KRT33A: variants seen among roughly 807,000 people sequenced by gnomAD.
The protein encoded by KRT33A is keratin, type I cuticular Ha3-I.
KRT33A carries 44 observed loss-of-function variants against 41.1 expected under a neutral mutation model. That is an observed-to-expected ratio of 1.07 (90% CI 0.84 to 1.38). The LOEUF is 1.38. Ranked by LOEUF, KRT33A falls within the 40% of genes most tolerant of loss-of-function variation. The probability of loss-of-function intolerance (pLI) is 0.00; values close to 1 mark genes in which losing one functional copy is unlikely to be tolerated. For missense variants in KRT33A, 536 were observed against 518.5 expected, an observed-to-expected ratio of 1.03 and a Z score of -0.33; for synonymous variants, 229 against 227.8, an observed-to-expected ratio of 1.01 and a Z score of -0.05.
rs139727892 is a variant in KRT33A at position 41,348,601 on chromosome 17, G to A, written c.470C>T (p.Ser157Leu). 38 of 1,614,114 alleles carry A rather than the reference G, an allele frequency of 2.4e-5. No individual in the cohort carries two copies. In the East Asian group the frequency reaches 2.7e-4, roughly 11 times the overall value. ...GATCCTGCGCAGGCCATTGATGTCC[G>A]ACTCCACCAGCTGCCGCAGGGACAG... ...TELSLRQLVE[S>L]DINGLRRILD... The change falls in exon 3 of 7, where the codon TCG becomes TTG. Residue 157 changes from serine (S) to leucine (L), a missense_variant. Ser to Leu is a moderately radical substitution (Grantham distance 145). Transcript: ENST00000007735.
intron 1 of KRT33A, 44 bp downstream of exon 1, chr17:41,350,376 C>A: frequency 6.3e-7 from 1 of 1,592,928 alleles, no homozygotes; most frequent in Non-Finnish European, 8.6e-7. Flanking sequence ...CGGATTCTCT[C>A]CCGACAACTT....
At chr17:41,349,467 G>T in intron 1 of KRT33A, 39 bp from the exon 2 acceptor site, 1 of 1,608,800 alleles carries the variant, frequency 6.2e-7, no homozygotes. Flanking sequence ...GCAAGGACTT[G>T]GTAATTTTTC....
rs193921001 is a variant in KRT33A, at chr17:41,350,553, T to C, written c.215A>G (p.Glu72Gly). ...FLNDRLASYL[E>G]KVRQLERDNA... Reference sequence around the variant, plus strand: ...GTCCCGCTCCAGCTGACGCACCTTCTCCAGGTAGCTGGCCAGGCGGTCGTT... The same window carrying C: ...GTCCCGCTCCAGCTGACGCACCTTCCCCAGGTAGCTGGCCAGGCGGTCGTT... Residue 72 changes from glutamate to glycine, a missense_variant, in exon 1 of 7, where the codon GAG becomes GGG. Glu to Gly is a moderately conservative substitution (Grantham distance 98). Transcript: ENST00000007735. 1 of 1,614,004 alleles carries C rather than the reference T, an allele frequency of 6.2e-7. No individual in the cohort carries two copies. Among genetic ancestry groups the C allele is most frequent in the Non-Finnish European group, 8.5e-7 (1 of 1,180,030 alleles).
intron 3 of KRT33A, 22 bp downstream of exon 3, chr17:41,348,461 C>T (rs780845710): frequency 1.9e-6 from 3 of 1,613,258 alleles, no homozygotes; most frequent in Non-Finnish European, 2.5e-6. Flanking sequence ...AGTCTGAGCC[C>T]ATCACTCTTC....
intron 3 of KRT33A, among the ~76,000 whole-genome samples, 182 bp downstream of exon 3, chr17:41,348,301 G>A (rs182200833): frequency 3.3e-5 from 5 of 152,332 alleles, no homozygotes; most frequent in Admixed American, 1.3e-4. Flanking sequence ...CCTGCCTCTG[G>A]CAGAAAAATC....
At chr17:41,348,427 G>T in intron 3 of KRT33A, 56 bp downstream of exon 3, 1 of 1,590,750 alleles carries the variant, frequency 6.3e-7, no homozygotes, top group Non-Finnish European at 8.6e-7. Flanking sequence ...GGACCCTGTG[G>T]CAGTTGTGAA....
Position 41,350,538 on chromosome 17 carries a change from A to G in KRT33A, c.230T>C (p.Leu77Pro). The G allele has an allele frequency of 6.2e-7, 1 of 1,614,106 alleles. No homozygotes were observed. Among genetic ancestry groups the G allele is most frequent in the Non-Finnish European group, 8.5e-7 (1 of 1,180,036 alleles). The change falls in exon 1 of 7, where the codon CTG becomes CCG. Residue 77 changes from leucine (L) to proline (P), a missense_variant. Physicochemically the swap from Leu to Pro is moderately conservative, Grantham distance 98 (BLOSUM62 -3). Coordinates refer to ENST00000007735, the MANE Select transcript of KRT33A (RefSeq NM_004138.4). ...LASYLEKVRQLERDNAELENL... is the reference protein window; with the variant it reads ...LASYLEKVRQPERDNAELENL... The stretch of plus-strand genomic sequence containing the variant: ...CTCCAGCTCCGCGTTGTCCCGCTCC[A>G]GCTGACGCACCTTCTCCAGGTAGCT...
chr17:41,346,700 G>A lies in KRT33A; in HGVS notation c.877-32C>T, dbSNP rs760238367. On this transcript the variant is annotated intron_variant, in intron 5 of 6. Transcript: ENST00000007735. ...TGGGGAAGATTGAGAGTGTCAGAGAGCTGCTCCTTATAAGGTTCCTCCATG... is the reference window on the plus strand; with the variant it reads ...TGGGGAAGATTGAGAGTGTCAGAGAACTGCTCCTTATAAGGTTCCTCCATG... 20 of 1,613,520 alleles carry A rather than the reference G, an allele frequency of 1.2e-5. No homozygotes were observed. The East Asian group carries it at 4.0e-4, about 32-fold the overall frequency.
At chr17:41,346,379 CA>C in intron 6 of KRT33A, 68 bp downstream of exon 6, 8 of 1,599,134 alleles carry the variant, frequency 5.0e-6, no homozygotes, top group Non-Finnish European at 6.0e-6. Context: ...TCATTTCCAT[CA>C]AGAAGACTAT....
At position 41,349,332 on chromosome 17, in the gene KRT33A, G is replaced by T. The variant is rs573656949; in HGVS notation, c.431+14C>A. ...GAAGAGAAATAAACAGCAACACCCC[G>T]CTTGCCCACTCACTTGGTCCTGAAG... On this transcript the variant is annotated intron_variant, in intron 2 of 6. Transcript: ENST00000007735. 1 of 1,612,824 alleles carries T rather than the reference G, an allele frequency of 6.2e-7. No homozygotes were observed. Among genetic ancestry groups the T allele is most frequent in the African/African-American group, 1.3e-5 (1 of 74,874 alleles).
rs1209586143 is a variant in KRT33A at position 41,350,824 on chromosome 17, G to A, written c.-57C>T. 9.1e-6 allele frequency: 14 copies of A among 1,544,142 alleles called. No individual in the cohort carries two copies. The highest frequency in any genetic ancestry group is 1.2e-5 in the Non-Finnish European group (14 of 1,142,676). On this transcript the variant is annotated 5_prime_UTR_variant, in exon 1 of 7. Coordinates refer to ENST00000007735, the MANE Select transcript of KRT33A (RefSeq NM_004138.4). ...GAGTCCAAAATCTCCAGGTTGTAGA[G>A]CGGTGGGTCTCCTTCCTCCAGGGAG...
Position 41,346,647 on chromosome 17 carries a change from G to C in KRT33A, c.898C>G (p.Leu300Val). ...HNLRDSLENT[L>V]TESEARYSSQ... The stretch of plus-strand genomic sequence containing the variant: ...CTGTAGCGGGCCTCGCTCTCTGTCA[G>C]CGTGTTTTCCAGAGAGTCTCGCTGT... The change falls in exon 6 of 7, where the codon CTG becomes GTG. Residue 300 changes from leucine to valine, a missense_variant. By Grantham distance (32) the Leu-to-Val change is conservative. Coordinates refer to ENST00000007735, the MANE Select transcript of KRT33A (RefSeq NM_004138.4). 1.2e-6 allele frequency: 2 copies of C among 1,614,236 alleles called. No individual in the cohort carries two copies. The highest frequency in any genetic ancestry group is 8.5e-7 in the Non-Finnish European group (1 of 1,180,048).
chr17:41,348,483 C>G lies in KRT33A; in HGVS notation c.588G>C (p.Gln196His). ...ELLCLKQNHE[Q>H]EVNTLRCQLG... ...GCCCATCACTCTTCAGGGAACTCACCTGCTCATGGTTCTGCTTGAGGCACA... is the reference window on the plus strand; with the variant it reads ...GCCCATCACTCTTCAGGGAACTCACGTGCTCATGGTTCTGCTTGAGGCACA... The change falls in exon 3 of 7, where the codon CAG becomes CAC. Residue 196 changes from glutamine to histidine, a missense_variant and splice_region_variant. Physicochemically the swap from Gln to His is conservative, Grantham distance 24 (BLOSUM62 0). Coordinates refer to ENST00000007735, the MANE Select transcript of KRT33A (RefSeq NM_004138.4). The G allele has an allele frequency of 3.7e-6, 6 of 1,613,988 alleles. No individual in the cohort carries two copies. Among genetic ancestry groups the G allele is most frequent in the Non-Finnish European group, 5.1e-6 (6 of 1,180,026 alleles).
intron 1 of KRT33A, among the ~76,000 whole-genome samples, chr17:41,349,769 G>T (rs938514055): frequency 1.3e-5 from 2 of 151,730 alleles, no homozygotes; most frequent in African/African-American, 4.8e-5. Flanking sequence ...CTGCCCTCAA[G>T]AAACTTTCAA....
chr17:41,346,165 C>A lies in KRT33A; in HGVS notation c.1169G>T (p.Cys390Phe). The change falls in exon 7 of 7, where the codon TGT (cysteine) becomes TTT (phenylalanine). Residue 390 changes from cysteine (C) to phenylalanine (F), a missense_variant. By Grantham distance (205) the Cys-to-Phe change is radical. Transcript: ENST00000007735. The stretch of plus-strand genomic sequence containing the variant: ...AGGCCCACACCGAGCACGTAGGCCA[C>A]AGGGATTAGAGATACAGGGCCCAGT... Reference protein sequence around the residue: ...KSTGPCISNPCGLRARCGPCN... With the variant: ...KSTGPCISNPFGLRARCGPCN... 2 of 1,614,084 alleles carry A rather than the reference C, an allele frequency of 1.2e-6. No individual in the cohort carries two copies. Among genetic ancestry groups the A allele is most frequent in the Non-Finnish European group, 1.7e-6 (2 of 1,180,006 alleles).
chr17:41,349,373 T>C lies in KRT33A; in HGVS notation c.404A>G (p.Lys135Arg). 6.2e-7 allele frequency: 1 copy of C among 1,613,994 alleles called. No individual in the cohort carries two copies. The highest frequency in any genetic ancestry group is 8.5e-7 in the Non-Finnish European group (1 of 1,180,002). The change falls in exon 2 of 7, where the codon AAG becomes AGG. Residue 135 changes from lysine to arginine, a missense_variant. Transcript: ENST00000007735. The stretch of plus-strand genomic sequence containing the variant: ...GGTCCTGAAGTCATCTGAGGCCAGC[T>C]TGGCATTGTCGATCTGCACCACAAG... ...ARLVVQIDNAKLASDDFRTKY... is the reference protein window; with the variant it reads ...ARLVVQIDNARLASDDFRTKY...
intron 1 of KRT33A, 33 bp from the exon 2 acceptor site, chr17:41,349,461 G>C (rs1031235859): frequency 6.2e-7 from 1 of 1,611,390 alleles, no homozygotes; most frequent in African/African-American, 1.3e-5. Flanking sequence ...GAATGAGCAA[G>C]GACTTGGTAA....
chr17:41,350,278 T>C, intron 1 of KRT33A, 142 bp downstream of exon 1: 1 of 899,804 alleles, frequency 1.1e-6, no homozygotes, highest in Non-Finnish European at 1.7e-6. Context: ...AGTCTAGTAT[T>C]AGATGGGCCC....
At chr17:41,348,974 A>T (rs2017464677) in intron 2 of KRT33A, among the ~76,000 whole-genome samples, 1 of 152,156 alleles carries the variant, frequency 6.6e-6, no homozygotes, top group Admixed American at 6.5e-5. Flanking sequence ...GTCTCTAAAA[A>T]AAAGAAGAAA....
Sources: gnomAD v4.1 joint callset for allele counts (sites outside exome capture counted in the v4.1 genomes callset) on GRCh38, gnomAD v4.1.1 for gene constraint, MANE v1.5 for transcripts, NCBI Gene and HGNC (gene_info 2026-07-23, HGNC 2026-07-21) for gene names.